Variants in DOCK3 observed in about 807,000 individuals in gnomAD.
The protein encoded by DOCK3 is dedicator of cytokinesis protein 3.
In DOCK3, 60 loss-of-function variants were observed where a neutral mutation model predicts 265.6. That is an observed-to-expected ratio of 0.23 (90% CI 0.18 to 0.28). The LOEUF (loss-of-function observed/expected upper bound fraction) is 0.28. Among genes scored for constraint, DOCK3 ranks in the 10% least tolerant of loss-of-function variants. The probability of loss-of-function intolerance (pLI) is 1.00; values close to 1 mark genes in which losing one functional copy is unlikely to be tolerated. For synonymous variants in DOCK3, 881 were observed against 938.0 expected (o/e 0.94, Z 1.11); for missense variants, 1,981 against 2,594.3 (o/e 0.76, Z 5.14).
chr3:51,375,784 G>T lies in DOCK3; in HGVS notation c.5449G>T (p.Val1817Phe), dbSNP rs1334178512. ...CCAGCGAGCCCTGTTCCAGCAAGTG[G>T]TCGGAGCCTGCAAACCCTGCAGTGA... The part of the protein sequence containing the change: ...NFQRALFQQV[V>F]GACKPCSDPN... The change falls in exon 51 of 53, where the codon GTC becomes TTC. Residue 1817 changes from valine (V) to phenylalanine (F), a missense_variant. Val to Phe is a conservative substitution (Grantham distance 50). Coordinates refer to ENST00000266037, the MANE Select transcript of DOCK3 (RefSeq NM_004947.5). 1.9e-6 allele frequency: 3 copies of T among 1,613,842 alleles called. No individual in the cohort carries two copies. Among genetic ancestry groups the T allele is most frequent in the Non-Finnish European group, 2.5e-6 (3 of 1,179,890 alleles).
rs377743353 is a variant in DOCK3 at position 51,346,539 on chromosome 3, T to C, written c.3916-2313T>C. ...CACATTTTCTTAATCCAGTCTATCA[T>C]TGATGGACATCTGGGTTGGTTCCAA... is the stretch of plus-strand genomic sequence containing the variant. On this transcript the variant is annotated intron_variant, in intron 38 of 52. Transcript: ENST00000266037. 1.2e-4 allele frequency among the ~76,000 whole-genome samples: 18 copies of C among 152,180 alleles called. No homozygotes were observed. In the East Asian group the frequency reaches 2.7e-3, roughly 23 times the overall value.
chr3:50,877,635 T>G, intron 3 of DOCK3: 3 of 440,190 alleles, frequency 6.8e-6, no homozygotes, highest in Non-Finnish European at 8.9e-6. Flanking sequence ...TATCTAGGGC[T>G]TCAATGGCAG....
chr3:51,001,972 G>T (rs1223927220), intron 5 of DOCK3, among the ~76,000 whole-genome samples: 1 of 152,044 alleles, frequency 6.6e-6, no homozygotes, highest in Non-Finnish European at 1.5e-5. Flanking sequence ...GGAATGCAGT[G>T]GTATTGGTAT....
chr3:51,374,344 G>A lies in DOCK3; in HGVS notation c.5294-125G>A. 1 of 813,506 alleles carries A rather than the reference G, an allele frequency of 1.2e-6. No homozygotes were observed. The allele number at this position is 813,506 out of a possible 1,614,324, so 50.4% of individuals were successfully genotyped here. On this transcript the variant is annotated intron_variant, in intron 49 of 52. Transcript: ENST00000266037. The surrounding 1 kb of genome is among the most constrained non-coding windows in gnomAD (Gnocchi z 4.8). ...CTGCTTCATTCCTCCTGTGCTTGCT[G>A]AGTTCATCCTCACCCTAACTGTAAG...
chr3:51,079,280 A>G (rs1193120263), intron 7 of DOCK3, among the ~76,000 whole-genome samples: 2 of 152,224 alleles, frequency 1.3e-5, no homozygotes, highest in East Asian at 3.9e-4. Context: ...TGATTGATAA[A>G]AGTCTCTTTA....
chr3:51,323,939 T>C lies in DOCK3; in HGVS notation c.3403-6199T>C, dbSNP rs186542566. On this transcript the variant is annotated intron_variant, in intron 32 of 52. Transcript: ENST00000266037. ...ATCAACAAAATAGAATAATAAGAGC[T>C]ATTTATGACAAACCCACAGCCAGTA... 3.3e-5 allele frequency among the ~76,000 whole-genome samples: 5 copies of C among 152,074 alleles called. No individual in the cohort carries two copies. The East Asian group carries it at 7.7e-4, about 24-fold the overall frequency.
chr3:51,115,528 T>C (rs2083697392), intron 9 of DOCK3, among the ~76,000 whole-genome samples: 1 of 152,230 alleles, frequency 6.6e-6, no homozygotes, highest in African/African-American at 2.4e-5. Context: ...AAGTTCCTTA[T>C]AGATTCCGGA....
intron 1 of DOCK3, among the ~76,000 whole-genome samples, chr3:50,765,385 T>A (rs1365758353): frequency 2.0e-5 from 3 of 152,010 alleles, no homozygotes; most frequent in Non-Finnish European, 4.4e-5. Context: ...CGTCCAGCCT[T>A]TCTTAGAATT....
chr3:51,251,320 A>G lies in DOCK3; in HGVS notation c.2184+4513A>G, dbSNP rs531441586. ...TCTTTGCTATTGTGAATAGTGCCGCAGTAAACATACATGTGCATGTGTCTT... is the reference window on the plus strand; with the variant it reads ...TCTTTGCTATTGTGAATAGTGCCGCGGTAAACATACATGTGCATGTGTCTT... On this transcript the variant is annotated intron_variant, in intron 22 of 52. Transcript: ENST00000266037. Among the ~76,000 whole-genome samples the G allele has an allele frequency of 2.8e-3, 421 of 152,324 alleles. 3 individuals are homozygous for G. The highest frequency in any genetic ancestry group is 9.7e-3 in the African/African-American group (405 of 41,574).
chr3:51,332,256 G>C (rs994889472), intron 33 of DOCK3, among the ~76,000 whole-genome samples: 7 of 152,194 alleles, frequency 4.6e-5, no homozygotes, highest in African/African-American at 1.7e-4. Flanking sequence ...CTCATCACTG[G>C]AACAAGCAGA....
chr3:51,176,469 A>AT (rs34690448), intron 12 of DOCK3, among the ~76,000 whole-genome samples: 124,658 of 151,894 alleles, frequency 0.82, 51,749 homozygotes, highest in Middle Eastern at 0.9. Context: ...ATAAAAAAAA[A>AT]AAAAAAATTA....
At chr3:50,717,630 T>G (rs2037200931) in intron 1 of DOCK3, among the ~76,000 whole-genome samples, 1 of 152,208 alleles carries the variant, frequency 6.6e-6, no homozygotes, top group African/African-American at 2.4e-5. Context: ...TATGTTTCCT[T>G]TTTTTAAATT....
chr3:51,041,839 G>T (rs577411875), intron 5 of DOCK3, among the ~76,000 whole-genome samples: 3 of 152,214 alleles, frequency 2.0e-5, no homozygotes, highest in South Asian at 4.1e-4. Flanking sequence ...AAGCCCCAGG[G>T]TTTTTGGAAG....
rs576713507 is a variant in DOCK3, at chr3:50,847,825, G to A, written c.162+6110G>A. ...CTTGAACCCAGAGGCAGAGGTTGCA[G>A]TGAGCCGAGATTGTGCCACTGCACT... On this transcript the variant is annotated intron_variant, in intron 3 of 52. Coordinates refer to ENST00000266037, the MANE Select transcript of DOCK3 (RefSeq NM_004947.5). Among the ~76,000 whole-genome samples the A allele has an allele frequency of 4.3e-5, 6 of 139,270 alleles. No individual in the cohort carries two copies. In the East Asian group the frequency reaches 1.3e-3, roughly 30 times the overall value. 91.4% of individuals were successfully genotyped at this position (139,270 alleles called of 152,430 possible).
At chr3:51,228,526 T>C (rs1487985239) in intron 17 of DOCK3, 135 bp from the exon 18 acceptor site, 3 of 947,402 alleles carry the variant, frequency 3.2e-6, no homozygotes, top group Non-Finnish European at 4.6e-6. Context: ...CAGAAAGTAC[T>C]CTTCCAAGAG....
At chr3:51,182,016 T>G (rs1260551078) in intron 12 of DOCK3, among the ~76,000 whole-genome samples, 1 of 152,158 alleles carries the variant, frequency 6.6e-6, no homozygotes, top group Non-Finnish European at 1.5e-5. Context: ...TTAAAAAAAT[T>G]TTTTGTAGAA....
chr3:51,108,778 A>G (rs1194942283), intron 9 of DOCK3, among the ~76,000 whole-genome samples: 2 of 152,248 alleles, frequency 1.3e-5, no homozygotes, highest in African/African-American at 4.8e-5. Flanking sequence ...ACAAAGATCA[A>G]AAAGACAAAA....
At chr3:51,193,681 A>G (rs1357021043) in intron 12 of DOCK3, among the ~76,000 whole-genome samples, 1 of 151,858 alleles carries the variant, frequency 6.6e-6, no homozygotes, top group East Asian at 1.9e-4. Flanking sequence ...TATTTTCTCT[A>G]GGTGTTTCAG....
At chr3:50,795,174 A>G (rs897055017) in intron 2 of DOCK3, among the ~76,000 whole-genome samples, 2 of 151,534 alleles carry the variant, frequency 1.3e-5, no homozygotes, top group Non-Finnish European at 2.9e-5. Flanking sequence ...TTTTTCTTTC[A>G]TTTTGACTTT....
Sources: allele counts gnomAD v4.1 joint callset (sites outside exome capture counted in the v4.1 genomes callset), GRCh38; gene constraint gnomAD v4.1.1; non-coding constraint Gnocchi (gnomAD v3.1); transcripts MANE v1.5; gene names NCBI Gene and HGNC (gene_info 2026-07-23, HGNC 2026-07-21).